EDIL3: variants seen among roughly 807,000 people sequenced by gnomAD.
EDIL3 encodes the protein EGF-like repeat and discoidin I-like domain-containing protein 3.
Under a neutral mutation model 67.4 loss-of-function variants are expected in EDIL3, and 37 were observed. The ratio of observed to expected loss-of-function variants is 0.55; its 90% CI spans 0.42 to 0.72. EDIL3 has a LOEUF of 0.72. Among genes scored for constraint, EDIL3 ranks in the 30% least tolerant of loss-of-function variants. The pLI is 0.00. For synonymous variants in EDIL3, 195 were observed against 196.3 expected (o/e 0.99, Z 0.05); for missense variants, 527 against 586.3 (o/e 0.90, Z 1.04).
At chr5:84,201,459 T>C (rs1743834344) in intron 3 of EDIL3, among the ~76,000 whole-genome samples, 1 of 152,122 alleles carries the variant, frequency 6.6e-6, no homozygotes, top group Non-Finnish European at 1.5e-5. Flanking sequence ...CCTTGTATGC[T>C]TGGTAGCTCA....
intron 5 of EDIL3, among the ~76,000 whole-genome samples, chr5:84,121,197 C>T (rs1024647902): frequency 1.3e-5 from 2 of 151,932 alleles, no homozygotes; most frequent in Admixed American, 6.6e-5. Flanking sequence ...AGTTTCATTG[C>T]TATCTGCTTA....
intron 1 of EDIL3, among the ~76,000 whole-genome samples, chr5:84,334,532 C>T (rs900170968): frequency 5.9e-5 from 9 of 152,098 alleles, no homozygotes; most frequent in African/African-American, 2.2e-4. Context: ...CAGTGTTTGG[C>T]TTTCCATTTC....
At chr5:84,314,024 C>T (rs373274556) in intron 1 of EDIL3, among the ~76,000 whole-genome samples, 31 of 151,862 alleles carry the variant, frequency 2.0e-4, no homozygotes, top group African/African-American at 7.5e-4. Flanking sequence ...GGCAAAACTC[C>T]GTCTCTACTA....
intron 1 of EDIL3, among the ~76,000 whole-genome samples, chr5:84,348,050 A>C (rs906057498): frequency 1.3e-5 from 2 of 152,166 alleles, no homozygotes; most frequent in Non-Finnish European, 2.9e-5. Context: ...TAAAAAAAGC[A>C]ATGGTGAGGG....
chr5:84,301,678 T>C lies in EDIL3; in HGVS notation c.68-47466A>G, dbSNP rs535269938. ...TCATGCTGCAGGCCACTGTGACTCA[T>C]GACTTTGGAAAGCAATCATTAATCA... On this transcript the variant is annotated intron_variant, in intron 1 of 10. Transcript: ENST00000296591. Among the ~76,000 whole-genome samples the C allele has an allele frequency of 9.8e-5, 15 of 152,348 alleles. No homozygotes were observed. In the South Asian group the frequency reaches 2.3e-3, roughly 23 times the overall value.
At chr5:84,344,593 T>C (rs1029343049) in intron 1 of EDIL3, among the ~76,000 whole-genome samples, 1 of 152,122 alleles carries the variant, frequency 6.6e-6, no homozygotes, top group Non-Finnish European at 1.5e-5. Flanking sequence ...GATTTAAATG[T>C]TCATTAATGT....
At chr5:84,337,264 C>T (rs1281531400) in intron 1 of EDIL3, among the ~76,000 whole-genome samples, 1 of 152,148 alleles carries the variant, frequency 6.6e-6, no homozygotes, top group East Asian at 1.9e-4. Context: ...CTTGAGGTGG[C>T]CCTCTTTATC....
intron 5 of EDIL3, among the ~76,000 whole-genome samples, chr5:84,130,874 C>T (rs1747952985): frequency 6.6e-6 from 1 of 152,028 alleles, no homozygotes; most frequent in Admixed American, 6.6e-5. Context: ...GCAACTATCT[C>T]CTATAATGAT....
intron 6 of EDIL3, among the ~76,000 whole-genome samples, chr5:84,086,548 C>CT (rs1561426942): frequency 6.6e-6 from 1 of 152,090 alleles, no homozygotes; most frequent in Non-Finnish European, 1.5e-5. Flanking sequence ...AATCAACTAC[C>CT]TTCTGTGTTG....
At chr5:84,072,492 T>A (rs1244112718) in intron 6 of EDIL3, among the ~76,000 whole-genome samples, 2 of 152,160 alleles carry the variant, frequency 1.3e-5, no homozygotes, top group Non-Finnish European at 2.9e-5. Context: ...CATGTTTATA[T>A]CTATGAGACT....
intron 9 of EDIL3, among the ~76,000 whole-genome samples, chr5:84,011,211 C>A (rs1333353843): frequency 1.3e-5 from 2 of 152,144 alleles, no homozygotes; most frequent in Non-Finnish European, 2.9e-5. Context: ...CTGTCCACTG[C>A]AAACCCACAG....
chr5:84,063,093 G>A (rs1190905908), intron 8 of EDIL3, among the ~76,000 whole-genome samples: 1 of 152,110 alleles, frequency 6.6e-6, no homozygotes, highest in African/African-American at 2.4e-5. Context: ...CAGGTGCAAT[G>A]TCTTGTCAAA....
At chr5:84,203,285 A>AT (rs1374965999) in intron 3 of EDIL3, among the ~76,000 whole-genome samples, 3 of 152,190 alleles carry the variant, frequency 2.0e-5, no homozygotes. Context: ...AAGATGAGGC[A>AT]TTTTATGAGC....
At chr5:84,083,438 C>T (rs1747013443) in intron 6 of EDIL3, among the ~76,000 whole-genome samples, 1 of 152,028 alleles carries the variant, frequency 6.6e-6, no homozygotes, top group Non-Finnish European at 1.5e-5. Context: ...TGTCTTGACC[C>T]CAGGATGTTA....
intron 9 of EDIL3, among the ~76,000 whole-genome samples, chr5:83,994,033 T>G (rs1561396790): frequency 6.6e-6 from 1 of 152,182 alleles, no homozygotes; most frequent in African/African-American, 2.4e-5. Context: ...GCAGTGCTCT[T>G]AAGGGGAATG....
intron 3 of EDIL3, among the ~76,000 whole-genome samples, chr5:84,223,961 T>C (rs1485124267): frequency 6.6e-6 from 1 of 151,524 alleles, no homozygotes; most frequent in Non-Finnish European, 1.5e-5. Flanking sequence ...TTCATTATTA[T>C]ATGAGTTAAT....
chr5:84,377,256 T>C (rs1747986558), intron 1 of EDIL3, among the ~76,000 whole-genome samples: 1 of 143,830 alleles, frequency 7.0e-6, no homozygotes, highest in Non-Finnish European at 1.5e-5. Context: ...GAGCTTGCAG[T>C]GAGTTGAGAT....
At chr5:84,125,074 A>G (rs1038795688) in intron 5 of EDIL3, among the ~76,000 whole-genome samples, 5 of 152,028 alleles carry the variant, frequency 3.3e-5, no homozygotes, top group African/African-American at 1.2e-4. Flanking sequence ...CAAAAGTTCT[A>G]AAAGACTATA....
At chr5:84,216,818 G>A (rs1185271149) in intron 3 of EDIL3, among the ~76,000 whole-genome samples, 1 of 152,172 alleles carries the variant, frequency 6.6e-6, no homozygotes, top group Non-Finnish European at 1.5e-5. Flanking sequence ...TACAGGATGA[G>A]CAACATTGTG....
Sources: gnomAD v4.1 joint callset for allele counts (sites outside exome capture counted in the v4.1 genomes callset) on GRCh38, gnomAD v4.1.1 for gene constraint, MANE v1.5 for transcripts, NCBI Gene and HGNC (gene_info 2026-07-23, HGNC 2026-07-21) for gene names.